The following LRFN5 variants were observed in gnomAD, a reference collection of about 807,000 sequenced individuals.
LRFN5 encodes leucine rich repeat and fibronectin type III domain containing 5.
A neutral mutation model predicts 45.6 loss-of-function variants in LRFN5; 24 were observed. That is an observed-to-expected ratio of 0.53 (90% CI 0.38 to 0.74). The LOEUF (loss-of-function observed/expected upper bound fraction) is 0.74. Among genes scored for constraint, LRFN5 ranks in the 30% least tolerant of loss-of-function variants. The probability of loss-of-function intolerance (pLI) is 0.00; values close to 1 mark genes in which losing one functional copy is unlikely to be tolerated. For missense variants in LRFN5, 776 were observed against 861.5 expected (o/e 0.90, Z 1.24); for synonymous variants, 340 against 313.8 (o/e 1.08, Z -0.88).
chr14:41,666,201 G>T (rs1437344089), intron 1 of LRFN5, among the ~76,000 whole-genome samples: 1 of 151,950 alleles, frequency 6.6e-6, no homozygotes, highest in Non-Finnish European at 1.5e-5. Context: ...ACTGATGAGT[G>T]ATGTGTTTAA....
At chr14:41,845,143 T>C (rs1889015731) in intron 2 of LRFN5, among the ~76,000 whole-genome samples, 1 of 71,362 alleles carries the variant, frequency 1.4e-5, no homozygotes, top group East Asian at 4.8e-4. Context: ...GGGGAAAACA[T>C]GAGTAGATAA....
Position 41,850,569 on chromosome 14 carries a change from G to T in LRFN5, c.-20-36037G>T, listed in dbSNP as rs535608314. On this transcript the variant is annotated intron_variant, in intron 2 of 5. Transcript: ENST00000298119. ...CCAATGCATTTACTCTCATTAAAGTGAGAACAAAAAGAGATAAAAAGGTAA... is the reference window on the plus strand; with the variant it reads ...CCAATGCATTTACTCTCATTAAAGTTAGAACAAAAAGAGATAAAAAGGTAA... Among the ~76,000 whole-genome samples, 4 of 151,978 alleles carry T rather than the reference G, an allele frequency of 2.6e-5. No homozygotes were observed. The South Asian group carries it at 8.3e-4, about 32-fold the overall frequency.
At chr14:41,777,703 C>T (rs562928090) in intron 2 of LRFN5, among the ~76,000 whole-genome samples, 6 of 151,838 alleles carry the variant, frequency 4.0e-5, no homozygotes, top group African/African-American at 9.6e-5. Flanking sequence ...TGTTTTCCTT[C>T]GCTTTTTGTA....
intron 2 of LRFN5, among the ~76,000 whole-genome samples, chr14:41,806,917 T>C (rs1481338055): frequency 1.3e-5 from 2 of 152,112 alleles, no homozygotes; most frequent in Non-Finnish European, 2.9e-5. Context: ...TCTAGAGCCT[T>C]TCTGAAGCCC....
intron 2 of LRFN5, among the ~76,000 whole-genome samples, chr14:41,793,378 A>G (rs989427310): frequency 2.0e-5 from 3 of 152,106 alleles, no homozygotes; most frequent in Non-Finnish European, 4.4e-5. Flanking sequence ...TATGTATAAT[A>G]ATGCATGTGT....
intron 1 of LRFN5, among the ~76,000 whole-genome samples, chr14:41,748,881 A>G (rs1339010246): frequency 2.0e-5 from 3 of 151,682 alleles, no homozygotes; most frequent in Non-Finnish European, 4.4e-5. Flanking sequence ...CTATAACAGA[A>G]TACCACAGAC....
chr14:41,789,366 G>A (rs1044004759), intron 2 of LRFN5, among the ~76,000 whole-genome samples: 4 of 151,934 alleles, frequency 2.6e-5, no homozygotes, highest in South Asian at 2.1e-4. Context: ...ATCACATGGA[G>A]GATTTACCTT....
chr14:41,867,155 T>C (rs60862585), intron 2 of LRFN5, among the ~76,000 whole-genome samples: 1,806 of 152,188 alleles, frequency 0.012, 33 homozygotes, highest in African/African-American at 0.042. Context: ...TCAATGAAGG[T>C]GATAAAACAT....
At chr14:41,875,946 A>G (rs1192948596) in intron 2 of LRFN5, among the ~76,000 whole-genome samples, 1 of 152,118 alleles carries the variant, frequency 6.6e-6, no homozygotes, top group East Asian at 1.9e-4. Flanking sequence ...CTCCCTCACA[A>G]ATTGCTCATG....
intron 2 of LRFN5, among the ~76,000 whole-genome samples, chr14:41,789,658 G>A (rs1886848711): frequency 6.6e-6 from 1 of 151,914 alleles, no homozygotes; most frequent in South Asian, 2.1e-4. Flanking sequence ...CTGCATCTTA[G>A]CCTCTCACTC....
chr14:41,774,728 C>A (rs1886215146), intron 2 of LRFN5, among the ~76,000 whole-genome samples: 1 of 152,092 alleles, frequency 6.6e-6, no homozygotes, highest in Non-Finnish European at 1.5e-5. Context: ...ACAGTTTTCA[C>A]ACGTAAGTAT....
intron 2 of LRFN5, among the ~76,000 whole-genome samples, chr14:41,839,898 C>T (rs1442031704): frequency 6.6e-6 from 1 of 152,040 alleles, no homozygotes; most frequent in Admixed American, 6.6e-5. Context: ...AGGGGAACAG[C>T]CAAAGAATCA....
intron 2 of LRFN5, among the ~76,000 whole-genome samples, chr14:41,843,093 T>TC: frequency 6.6e-6 from 1 of 150,396 alleles, no homozygotes; most frequent in Admixed American, 6.6e-5. Flanking sequence ...TTTCTTTTTT[T>TC]TTTTTTTTTT....
At chr14:41,634,156 C>T (rs1888647554) in intron 1 of LRFN5, among the ~76,000 whole-genome samples, 1 of 152,092 alleles carries the variant, frequency 6.6e-6, no homozygotes, top group African/African-American at 2.4e-5. Context: ...TGTAATAGTT[C>T]TCAGTAAAAC....
chr14:41,610,723 A>C (rs1218661300), intron 1 of LRFN5, among the ~76,000 whole-genome samples: 1 of 148,560 alleles, frequency 6.7e-6, no homozygotes, highest in Non-Finnish European at 1.5e-5. Context: ...AATGAAAGGT[A>C]ACAGATAATT....
chr14:41,894,330 C>T, intron 4 of LRFN5: 2 of 896,870 alleles, frequency 2.2e-6, no homozygotes, highest in Non-Finnish European at 2.7e-6. Flanking sequence ...TTTCATTTCT[C>T]ATAGACATTT....
At chr14:41,687,883 C>T (rs1235056818) in intron 1 of LRFN5, among the ~76,000 whole-genome samples, 2 of 152,102 alleles carry the variant, frequency 1.3e-5, no homozygotes, top group East Asian at 1.9e-4. Context: ...CTAGAGCACA[C>T]GTATACCTAT....
At chr14:41,896,944 T>G (rs1890959155) in intron 4 of LRFN5, among the ~76,000 whole-genome samples, 1 of 151,458 alleles carries the variant, frequency 6.6e-6, no homozygotes. Context: ...TACAAAAAAT[T>G]AGCTGGGTGT....
chr14:41,812,757 A>T (rs1566459268), intron 2 of LRFN5, among the ~76,000 whole-genome samples: 1 of 152,160 alleles, frequency 6.6e-6, no homozygotes, highest in South Asian at 2.1e-4. Flanking sequence ...AAAATTGATG[A>T]TGAAACAATG....
Sources: gnomAD v4.1 joint callset for allele counts (sites outside exome capture counted in the v4.1 genomes callset) on GRCh38, gnomAD v4.1.1 for gene constraint, MANE v1.5 for transcripts, NCBI Gene and HGNC (gene_info 2026-07-23, HGNC 2026-07-21) for gene names.